HMBOX1: variants seen among roughly 807,000 people sequenced by gnomAD.
HMBOX1 encodes homeobox containing 1.
In HMBOX1, 14 loss-of-function variants were observed where a neutral mutation model predicts 54.5. The ratio of observed to expected loss-of-function variants is 0.26; its 90% CI spans 0.17 to 0.40. HMBOX1 has a LOEUF of 0.40. Among genes scored for constraint, HMBOX1 ranks in the 10% least tolerant of loss-of-function variants. The pLI is 1.00. For missense variants in HMBOX1, 332 were observed against 514.4 expected (o/e 0.65, Z 3.43); for synonymous variants, 160 against 181.0 (o/e 0.88, Z 0.93).
chr8:29,024,139 ATG>A (rs1801646394), intron 6 of HMBOX1, among the ~76,000 whole-genome samples: 1 of 152,158 alleles, frequency 6.6e-6, no homozygotes, highest in East Asian at 1.9e-4. Flanking sequence ...TCCCTCACAA[ATG>A]TGTGGCAGCA....
intron 6 of HMBOX1, among the ~76,000 whole-genome samples, chr8:29,032,616 C>G (rs1325404757): frequency 6.6e-6 from 1 of 152,126 alleles, no homozygotes; most frequent in Non-Finnish European, 1.5e-5. Flanking sequence ...TGAATTATTT[C>G]ACCATCTGCT....
At position 28,970,304 on chromosome 8, in the gene HMBOX1, G is replaced by A. The variant is rs374107196; in HGVS notation, c.285G>A (p.Ser95=). ...CAGCTTCCACACAGACGCAGCATTC[G>A]GGAATGTCCCCGTCACCTAGCAACA... ...TATASTQTQH[S]GMSPSPSNSY... is the part of the protein sequence containing the mutation. The change falls in exon 3 of 10, where the codon TCG becomes TCA. Residue 95 remains serine, a synonymous_variant. Coordinates refer to ENST00000287701, the MANE Select transcript of HMBOX1 (RefSeq NM_001135726.3). This position sits in a 1 kb window ranked among gnomAD's most constrained non-coding sequence, Gnocchi z 4.3. 1.4e-5 allele frequency: 22 copies of A among 1,614,016 alleles called. No individual in the cohort carries two copies. Among genetic ancestry groups the A allele is most frequent in the East Asian group, 4.5e-5 (2 of 44,876 alleles).
intron 5 of HMBOX1, chr8:29,009,793 T>C: frequency 7.9e-7 from 1 of 1,271,212 alleles, no homozygotes; most frequent in Non-Finnish European, 1.0e-6. Flanking sequence ...TTGGAAGAAG[T>C]AGGCAAGATC....
intron 4 of HMBOX1, among the ~76,000 whole-genome samples, chr8:28,996,305 C>T (rs1246135048): frequency 6.6e-6 from 1 of 151,844 alleles, no homozygotes; most frequent in Admixed American, 6.6e-5. Context: ...CGTAGACACA[C>T]GTGAGTAATG....
At chr8:28,957,045 A>G (rs1355932130) in intron 1 of HMBOX1, among the ~76,000 whole-genome samples, 1 of 152,190 alleles carries the variant, frequency 6.6e-6, no homozygotes, top group Non-Finnish European at 1.5e-5. Context: ...AAGAACCAAC[A>G]ATGGCCTGGG....
At chr8:28,973,142 GATA>G (rs1423945811) in intron 3 of HMBOX1, among the ~76,000 whole-genome samples, 1 of 152,082 alleles carries the variant, frequency 6.6e-6, no homozygotes, top group Non-Finnish European at 1.5e-5. Flanking sequence ...TCAGGTTGTA[GATA>G]ATAACAATCC....
chr8:28,937,755 T>C (rs1343640809), intron 1 of HMBOX1, among the ~76,000 whole-genome samples: 1 of 152,176 alleles, frequency 6.6e-6, no homozygotes, highest in African/African-American at 2.4e-5. Context: ...ATGTGATCGA[T>C]CATCAGAGTT....
chr8:28,973,813 T>TGTTTTTTTTTTG (rs1827882281), intron 3 of HMBOX1, among the ~76,000 whole-genome samples: 2 of 35,058 alleles, frequency 5.7e-5, no homozygotes, highest in African/African-American at 2.3e-4. Context: ...GTTTTTTTTT[T>TGTTTTTTTTTTG]TTTTTTTTTT....
At chr8:28,923,691 C>T (rs1486828358) in intron 1 of HMBOX1, among the ~76,000 whole-genome samples, 4 of 152,198 alleles carry the variant, frequency 2.6e-5, no homozygotes, top group African/African-American at 9.7e-5. Context: ...AAACTGTTTA[C>T]ACAGTGGCTG....
At chr8:28,939,805 C>T (rs943548477) in intron 1 of HMBOX1, among the ~76,000 whole-genome samples, 4 of 151,964 alleles carry the variant, frequency 2.6e-5, no homozygotes, top group African/African-American at 9.7e-5. Context: ...CCACCGTGCC[C>T]GGCCGAGGAA....
At chr8:28,937,232 T>A (rs1450247777) in intron 1 of HMBOX1, among the ~76,000 whole-genome samples, 1 of 152,220 alleles carries the variant, frequency 6.6e-6, no homozygotes, top group Non-Finnish European at 1.5e-5. Context: ...AGTAATAAGT[T>A]GTTTGTTATC....
At chr8:28,996,907 G>A (rs1485693497) in intron 4 of HMBOX1, among the ~76,000 whole-genome samples, 1 of 152,118 alleles carries the variant, frequency 6.6e-6, no homozygotes, top group Non-Finnish European at 1.5e-5. Flanking sequence ...ATTGTTTATA[G>A]TTAATGGATA....
chr8:28,998,256 A>C lies in HMBOX1; in HGVS notation c.587-10816A>C, dbSNP rs559467045. Among the ~76,000 whole-genome samples, 6 of 152,188 alleles carry C rather than the reference A, an allele frequency of 3.9e-5. No individual in the cohort carries two copies. In the East Asian group the frequency reaches 1.2e-3, roughly 29 times the overall value. ...GCCTATTATTGAAAGTGGTATATTG[A>C]TATCTCCAACTATTATTGTTGAATT... On this transcript the variant is annotated intron_variant, in intron 4 of 9. Transcript: ENST00000287701.
intron 1 of HMBOX1, among the ~76,000 whole-genome samples, chr8:28,954,868 A>G (rs757683479): frequency 6.6e-6 from 1 of 152,148 alleles, no homozygotes; most frequent in Non-Finnish European, 1.5e-5. Flanking sequence ...TTGAAAGTTT[A>G]CTTTTTTTCT....
At chr8:28,973,893 C>A (rs1193525597) in intron 3 of HMBOX1, among the ~76,000 whole-genome samples, 1 of 140,208 alleles carries the variant, frequency 7.1e-6, no homozygotes, top group Non-Finnish European at 1.5e-5. Flanking sequence ...TGGCTCACTG[C>A]AACCTTCGCC....
chr8:29,015,703 T>G (rs1002184081), intron 5 of HMBOX1, among the ~76,000 whole-genome samples: 1 of 152,214 alleles, frequency 6.6e-6, no homozygotes, highest in Non-Finnish European at 1.5e-5. Flanking sequence ...GGGTTTCAGT[T>G]TAGAATTTCA....
At chr8:28,896,827 C>T (rs1160419599) in intron 1 of HMBOX1, among the ~76,000 whole-genome samples, 1 of 152,122 alleles carries the variant, frequency 6.6e-6, no homozygotes, top group East Asian at 1.9e-4. Flanking sequence ...CAGAGTGTAT[C>T]TCTGTCATTA....
intron 5 of HMBOX1, chr8:29,009,685 A>C: frequency 7.8e-7 from 1 of 1,285,830 alleles, no homozygotes; most frequent in Non-Finnish European, 1.0e-6. Flanking sequence ...GGACTTTAGG[A>C]TGCAGCTGCC....
At chr8:29,005,614 T>C (rs1833339395) in intron 4 of HMBOX1, among the ~76,000 whole-genome samples, 1 of 152,158 alleles carries the variant, frequency 6.6e-6, no homozygotes, top group South Asian at 2.1e-4. Context: ...ACTGTCCAGC[T>C]TAATGGACAC....
Sources: gnomAD v4.1 joint callset for allele counts (sites outside exome capture counted in the v4.1 genomes callset) on GRCh38, gnomAD v4.1.1 for gene constraint, Gnocchi (gnomAD v3.1) non-coding constraint, MANE v1.5 for transcripts, NCBI Gene and HGNC (gene_info 2026-07-23, HGNC 2026-07-21) for gene names.